The following RHNO1 variants were observed in gnomAD, a reference collection of about 807,000 sequenced individuals.
RHNO1 encodes RAD9, HUS1, RAD1-interacting nuclear orphan protein 1.
Under a neutral mutation model 7.2 loss-of-function variants are expected in RHNO1, and 9 were observed. The observed-to-expected ratio is 1.25, with a 90% CI of 0.75 to 2.18. RHNO1 has a LOEUF of 2.18. Among genes scored for constraint, RHNO1 ranks in the 30% most tolerant of loss-of-function variants. The pLI is 0.00. For synonymous variants in RHNO1, 95 were observed against 107.5 expected (o/e 0.88, Z 0.72); for missense variants, 292 against 284.5 (o/e 1.03, Z -0.19).
At position 2,887,999 on chromosome 12, in the gene RHNO1, C is replaced by T. The variant is rs761886312; in HGVS notation, c.257C>T (p.Pro86Leu). The T allele has an allele frequency of 8.7e-6, 14 of 1,613,914 alleles. No homozygotes were observed. The highest frequency in any genetic ancestry group is 5.0e-5 in the Admixed American group (3 of 59,966). Reference protein sequence around the residue: ...QNRARHSSRKPTTSKFPHLTF... With the variant: ...QNRARHSSRKLTTSKFPHLTF... ...CGGGCGAGACACTCAAGTCGAAAACCTACCACCTCCAAGTTTCCACATCTA... is the reference window on the plus strand; with the variant it reads ...CGGGCGAGACACTCAAGTCGAAAACTTACCACCTCCAAGTTTCCACATCTA... The change falls in exon 3 of 3, where the codon CCT (proline) becomes CTT (leucine). Residue 86 changes from proline to leucine, a missense_variant. Transcript: ENST00000489288.
chr12:2,879,635 T>C (rs2098154883), intron 1 of RHNO1, among the ~76,000 whole-genome samples: 4 of 151,776 alleles, frequency 2.6e-5, no homozygotes, highest in African/African-American at 9.7e-5. Flanking sequence ...CGCTCAGCCT[T>C]ACACATGTTG....
At chr12:2,882,929 G>A (rs2098159892) in intron 1 of RHNO1, among the ~76,000 whole-genome samples, 1 of 151,928 alleles carries the variant, frequency 6.6e-6, no homozygotes, top group East Asian at 1.9e-4. Flanking sequence ...TTAACCAGGT[G>A]CAGTGTGCTT....
chr12:2,883,072 A>AAAAAAAAAAAAAC (rs2098160174), intron 1 of RHNO1, among the ~76,000 whole-genome samples: 5 of 65,166 alleles, frequency 7.7e-5, no homozygotes, highest in African/African-American at 3.4e-4. Context: ...GTCTCAAAAA[A>AAAAAAAAAAAAAC]AAAAAAAAAA....
intron 2 of RHNO1, among the ~76,000 whole-genome samples, chr12:2,887,471 C>CT (rs1382120254): frequency 1.5e-5 from 2 of 129,806 alleles, no homozygotes; most frequent in Admixed American, 8.4e-5. Flanking sequence ...GAGCAAAACT[C>CT]TGTCTCCAAA....
intron 1 of RHNO1, 70 bp from the exon 2 acceptor site, chr12:2,885,212 TG>T: frequency 1.5e-6 from 1 of 682,328 alleles, no homozygotes. Context: ...TAGAATTGGC[TG>T]GCAGAGGATC....
At chr12:2,885,723 C>T (rs532446196) in intron 2 of RHNO1, 189 bp downstream of exon 2, 16 of 479,090 alleles carry the variant, frequency 3.3e-5, no homozygotes, top group African/African-American at 6.0e-5. Flanking sequence ...TACAGGCACC[C>T]GCCACCACGC....
intron 1 of RHNO1, among the ~76,000 whole-genome samples, chr12:2,882,168 G>A (rs1170748427): frequency 3.3e-5 from 5 of 150,974 alleles, no homozygotes; most frequent in African/African-American, 1.2e-4. Flanking sequence ...TGGGCCAGGC[G>A]TGGTGGCTCA....
At chr12:2,880,466 T>C (rs1324022809) in intron 1 of RHNO1, among the ~76,000 whole-genome samples, 1 of 151,460 alleles carries the variant, frequency 6.6e-6, no homozygotes, top group African/African-American at 2.4e-5. Context: ...AAAAATACTA[T>C]AATTAGCTGG....
At position 2,885,422 on chromosome 12, in the gene RHNO1, A is replaced by T; in HGVS notation, c.56A>T (p.His19Leu). 1 of 1,613,960 alleles carries T rather than the reference A, an allele frequency of 6.2e-7. No homozygotes were observed. Among genetic ancestry groups the T allele is most frequent in the South Asian group, 1.1e-5 (1 of 91,074 alleles). ...TCCCAGAAAGCCCCGCTGCTGTTCC[A>T]CCAACAACCACTGGAGGGCCCCAAA... ...QPSQKAPLLF[H>L]QQPLEGPKHS... Residue 19 changes from histidine (H) to leucine (L), a missense_variant, in exon 2 of 3, where the codon CAC (histidine) becomes CTC (leucine). Physicochemically the swap from His to Leu is moderately conservative, Grantham distance 99. Coordinates refer to ENST00000489288, the MANE Select transcript of RHNO1 (RefSeq NM_001252499.3).
chr12:2,887,469 C>T (rs1310343165), intron 2 of RHNO1, among the ~76,000 whole-genome samples: 1 of 132,040 alleles, frequency 7.6e-6, no homozygotes, highest in Non-Finnish European at 1.6e-5. Context: ...AAGAGCAAAA[C>T]TCTGTCTCCA....
chr12:2,883,501 ATATATATATATTTTTT>A lies in RHNO1; in HGVS notation c.-84-1780_-84-1765del, dbSNP rs1344373597. ...AATATATATATATATATATATATAT[ATATATATATATTTTTT>A]TTTTTTTTTTTTTTTTTGAGACGGA... On this transcript the variant is annotated intron_variant, in intron 1 of 2. Coordinates refer to ENST00000489288, the MANE Select transcript of RHNO1 (RefSeq NM_001252499.3). Among the ~76,000 whole-genome samples, 198 of 31,150 alleles carry A rather than the reference ATATATATATATTTTTT, an allele frequency of 6.4e-3. 2 individuals are homozygous for A. In the Admixed American group the frequency reaches 0.066, roughly 10 times the overall value. The allele number at this position is 31,150 out of a possible 152,430, so 20.4% of individuals were successfully genotyped here.
Position 2,885,488 on chromosome 12 carries a change from G to A in RHNO1, c.122G>A (p.Arg41Gln), listed in dbSNP as rs540252783. Residue 41 changes from arginine (R) to glutamine (Q), a missense_variant, in exon 2 of 3, where the codon CGA becomes CAA. By Grantham distance (43) the Arg-to-Gln change is conservative. Transcript: ENST00000489288. ...ACACAGCTTCCCATCACTCACACTC[G>A]ACAGGTGCCCAGCAAGCCCATTGAC... is the stretch of plus-strand genomic sequence containing the variant. ...ASTQLPITHTRQVPSKPIDHS... is the reference protein window; with the variant it reads ...ASTQLPITHTQQVPSKPIDHS... The A allele has an allele frequency of 6.2e-5, 100 of 1,609,630 alleles. No individual in the cohort carries two copies. The highest frequency in any genetic ancestry group is 1.7e-4 in the Middle Eastern group (1 of 6,058).
At chr12:2,881,959 G>A (rs1402082616) in intron 1 of RHNO1, among the ~76,000 whole-genome samples, 1 of 149,424 alleles carries the variant, frequency 6.7e-6, no homozygotes, top group South Asian at 2.1e-4. Flanking sequence ...TTCTTAACCT[G>A]TATCTCTACT....
chr12:2,884,922 C>A (rs1489134384), intron 1 of RHNO1, among the ~76,000 whole-genome samples: 1 of 152,152 alleles, frequency 6.6e-6, no homozygotes, highest in East Asian at 1.9e-4. Flanking sequence ...TGAATGGAAC[C>A]ATACTGTATT....
intron 1 of RHNO1, among the ~76,000 whole-genome samples, chr12:2,883,224 G>A (rs1277106094): frequency 2.0e-5 from 3 of 150,768 alleles, no homozygotes; most frequent in Non-Finnish European, 3.0e-5. Flanking sequence ...ACAAAAATAC[G>A]AAAATTAGCC....
rs764148025 is a variant in RHNO1, at chr12:2,888,272, A to G, written c.530A>G (p.Asn177Ser). 1.2e-6 allele frequency: 2 copies of G among 1,614,146 alleles called. No individual in the cohort carries two copies. The highest frequency in any genetic ancestry group is 1.7e-6 in the Non-Finnish European group (2 of 1,180,038). Residue 177 changes from asparagine (N) to serine (S), a missense_variant, in exon 3 of 3, where the codon AAC (asparagine) becomes AGC (serine). Asn to Ser is a conservative substitution (Grantham distance 46, BLOSUM62 1). Coordinates refer to ENST00000489288, the MANE Select transcript of RHNO1 (RefSeq NM_001252499.3). ...EELIPQDQKE[N>S]SLLSCTLHTG... The stretch of plus-strand genomic sequence containing the variant: ...CTCATTCCCCAAGATCAGAAGGAAA[A>G]CAGCCTTCTAAGCTGCACTCTTCAC...
At position 2,881,958 on chromosome 12, in the gene RHNO1, T is replaced by G. The variant is rs900747582; in HGVS notation, c.-84-3325T>G. The stretch of plus-strand genomic sequence containing the variant: ...AACTGTGTCCTTTTTTTTCTTAACC[T>G]GTATCTCTACTGCCTAGTCATATAA... On this transcript the variant is annotated intron_variant, in intron 1 of 2. Coordinates refer to ENST00000489288, the MANE Select transcript of RHNO1 (RefSeq NM_001252499.3). Among the ~76,000 whole-genome samples, 10 of 151,676 alleles carry G rather than the reference T, an allele frequency of 6.6e-5. 1 individual carries two copies. The highest frequency in any genetic ancestry group is 2.4e-4 in the African/African-American group (10 of 41,206).
At chr12:2,879,048 G>A (rs1304957908) in intron 1 of RHNO1, among the ~76,000 whole-genome samples, 1 of 151,706 alleles carries the variant, frequency 6.6e-6, no homozygotes, top group Non-Finnish European at 1.5e-5. Context: ...CCCCCAGGCT[G>A]AAGTCCAGTG....
chr12:2,885,509 T>C lies in RHNO1; in HGVS notation c.143T>C (p.Ile48Thr), dbSNP rs774939901. Residue 48 changes from isoleucine (I) to threonine (T), a missense_variant, in exon 2 of 3, where the codon ATT becomes ACT. Coordinates refer to ENST00000489288, the MANE Select transcript of RHNO1 (RefSeq NM_001252499.3). ...ACTCGACAGGTGCCCAGCAAGCCCATTGACCACAGCACCATCACTTCCTGG... is the reference window on the plus strand; with the variant it reads ...ACTCGACAGGTGCCCAGCAAGCCCACTGACCACAGCACCATCACTTCCTGG... ...THTRQVPSKP[I>T]DHSTITSWVS... 19 of 1,611,296 alleles carry C rather than the reference T, an allele frequency of 1.2e-5. No individual in the cohort carries two copies. Among genetic ancestry groups the C allele is most frequent in the East Asian group, 6.7e-5 (3 of 44,756 alleles).
Sources: allele counts gnomAD v4.1 joint callset (sites outside exome capture counted in the v4.1 genomes callset), GRCh38; gene constraint gnomAD v4.1.1; transcripts MANE v1.5; gene names NCBI Gene and HGNC (gene_info 2026-07-23, HGNC 2026-07-21).